MYL2: variants seen among roughly 807,000 people sequenced by gnomAD.
MYL2 encodes the protein myosin regulatory light chain 2, ventricular/cardiac muscle isoform.
Under a neutral mutation model 23.0 loss-of-function variants are expected in MYL2, and 19 were observed. The observed-to-expected ratio is 0.83, with a 90% CI of 0.58 to 1.21. The LOEUF (loss-of-function observed/expected upper bound fraction) is 1.21. MYL2 is among the 50% of genes most tolerant of loss of function. The pLI, the probability that MYL2 is intolerant of heterozygous loss-of-function variation, is 0.00. For missense variants in MYL2, 180 were observed against 215.1 expected, an observed-to-expected ratio of 0.84 and a Z score of 1.02; for synonymous variants, 78 against 76.2, an observed-to-expected ratio of 1.02 and a Z score of -0.13.
At chr12:110,912,860 T>C (rs184707393) in intron 6 of MYL2, among the ~76,000 whole-genome samples, 5 of 152,326 alleles carry the variant, frequency 3.3e-5, no homozygotes, top group Non-Finnish European at 7.3e-5. Context: ...TATTGTTATT[T>C]TAGATGAGTG....
intron 1 of MYL2, 93 bp downstream of exon 1, chr12:110,920,434 G>T: frequency 6.3e-7 from 1 of 1,586,768 alleles, no homozygotes; most frequent in South Asian, 1.1e-5. Context: ...TTTGAGGGCC[G>T]CCTTCCTCCC....
At chr12:110,912,973 AG>A in intron 6 of MYL2, 122 bp downstream of exon 6, 1 of 1,107,574 alleles carries the variant, frequency 9.0e-7, no homozygotes, top group Non-Finnish European at 1.4e-6. Flanking sequence ...AGGCCTCAGA[AG>A]ACGATAGCTG....
rs1171745073 is a variant in MYL2, at chr12:110,915,724, C to T, written c.160G>A (p.Ala54Thr). 1 of 1,614,002 alleles carries T rather than the reference C, an allele frequency of 6.2e-7. No homozygotes were observed. The highest frequency in any genetic ancestry group is 1.3e-5 in the African/African-American group (1 of 74,920). ...IDKNDLRDTFAALGRVNVKNE... is the reference protein window; with the variant it reads ...IDKNDLRDTFTALGRVNVKNE... Reference sequence around the variant, plus strand: ...AGAGAGGGTGACATACCAAGGGCAGCAAAGGTGTCTCTCAGATCGTTCTTG... The same window carrying T: ...AGAGAGGGTGACATACCAAGGGCAGTAAAGGTGTCTCTCAGATCGTTCTTG... Residue 54 changes from alanine (A) to threonine (T), a missense_variant, in exon 3 of 7, where the codon GCT becomes ACT. Physicochemically the swap from Ala to Thr is moderately conservative, Grantham distance 58 (BLOSUM62 0). Transcript: ENST00000228841.
At chr12:110,917,251 C>T (rs973412177) in intron 2 of MYL2, among the ~76,000 whole-genome samples, 1 of 151,994 alleles carries the variant, frequency 6.6e-6, no homozygotes, top group Non-Finnish European at 1.5e-5. Flanking sequence ...ATAGGGCAGG[C>T]TAGGGAGTGG....
At chr12:110,914,406 A>T in intron 3 of MYL2, 116 bp from the exon 4 acceptor site, 4 of 673,472 alleles carry the variant, frequency 5.9e-6, no homozygotes, top group Non-Finnish European at 5.4e-6. Context: ...ATCATCAGAG[A>T]TGGGGTGGAT....
At chr12:110,915,607 T>C in intron 3 of MYL2, 108 bp downstream of exon 3, 1 of 1,166,582 alleles carries the variant, frequency 8.6e-7, no homozygotes, top group South Asian at 1.2e-5. Context: ...GCAGAGTTGT[T>C]TCTTTGGGAA....
At chr12:110,915,595 T>C in intron 3 of MYL2, 120 bp downstream of exon 3, 4 of 1,022,834 alleles carry the variant, frequency 3.9e-6, no homozygotes, top group South Asian at 3.8e-5. Flanking sequence ...AGACCAGTTG[T>C]GGCAGAGTTG....
chr12:110,920,446 C>T (rs926607161), intron 1 of MYL2, 81 bp downstream of exon 1: 2 of 1,607,214 alleles, frequency 1.2e-6, no homozygotes, highest in Non-Finnish European at 1.7e-6. Context: ...CTTCCTCCCC[C>T]TCCGCCGTGG....
chr12:110,911,420 C>T (rs957821029), intron 6 of MYL2, among the ~76,000 whole-genome samples: 1 of 152,194 alleles, frequency 6.6e-6, no homozygotes, highest in South Asian at 2.1e-4. Flanking sequence ...TATAAAGGCA[C>T]GGCCATCTCG....
intron 2 of MYL2, among the ~76,000 whole-genome samples, chr12:110,916,688 T>C (rs1009017475): frequency 2.0e-5 from 3 of 152,168 alleles, no homozygotes; most frequent in Non-Finnish European, 4.4e-5. Context: ...AAGTGACTGC[T>C]AATGGGTATG....
At chr12:110,914,652 G>A (rs1427895612) in intron 3 of MYL2, among the ~76,000 whole-genome samples, 1 of 152,150 alleles carries the variant, frequency 6.6e-6, no homozygotes, top group Non-Finnish European at 1.5e-5. Context: ...CCAAGTAGCT[G>A]GGATTGCAGG....
rs867231722 is a variant in MYL2 at position 110,914,132 on chromosome 12, C to A, written c.274+54G>T. 137 of 1,339,816 alleles carry A rather than the reference C, an allele frequency of 1.0e-4. 3 individuals are homozygous for A. The Middle Eastern group carries it at 0.011, about 109-fold the overall frequency. 83.0% of individuals were successfully genotyped at this position (1,339,816 alleles called of 1,614,324 possible). The stretch of plus-strand genomic sequence containing the variant: ...AGTTAACCATCTTCTGCCAGCCCCC[C>A]CGAAGAAACATAGACACATACACAC... On this transcript the variant is annotated intron_variant, in intron 4 of 6. Coordinates refer to ENST00000228841, the MANE Select transcript of MYL2 (RefSeq NM_000432.4).
intron 6 of MYL2, among the ~76,000 whole-genome samples, chr12:110,912,801 G>A (rs1475465120): frequency 1.3e-5 from 2 of 152,224 alleles, no homozygotes; most frequent in African/African-American, 2.4e-5. Flanking sequence ...CTGGTCTCAA[G>A]TGATCCTCCT....
intron 2 of MYL2, 114 bp from the exon 3 acceptor site, chr12:110,915,904 A>T: frequency 1.2e-6 from 1 of 850,254 alleles, no homozygotes; most frequent in Admixed American, 1.7e-5. Flanking sequence ...AGATCATTGT[A>T]GGACCTCAGA....
Position 110,918,603 on chromosome 12 carries a change from G to T in MYL2, c.93+501C>A, listed in dbSNP as rs1418422565. 6.6e-6 allele frequency among the ~76,000 whole-genome samples: 1 copy of T among 152,006 alleles called. No homozygotes were observed. The highest frequency in any genetic ancestry group is 2.4e-5 in the African/African-American group (1 of 41,370). ...AATAACCAGAGATACAAGCAAAGAGGTGTTATTTATAGTAGTAAAACATTA... is the reference window on the plus strand; with the variant it reads ...AATAACCAGAGATACAAGCAAAGAGTTGTTATTTATAGTAGTAAAACATTA... On this transcript the variant is annotated intron_variant, in intron 2 of 6. Transcript: ENST00000228841. The surrounding 1 kb of genome is among the most constrained non-coding windows in gnomAD (Gnocchi z 4.4).
At position 110,914,159 on chromosome 12, in the gene MYL2, GAC is replaced by G. The variant is rs142567411; in HGVS notation, c.274+25_274+26del. The G allele has an allele frequency of 0.014, 16,802 of 1,182,930 alleles. No individual in the cohort carries two copies. Among genetic ancestry groups the G allele is most frequent in the Non-Finnish European group, 0.017 (14,117 of 855,514 alleles). The allele number at this position is 1,182,930 out of a possible 1,614,324, so 73.3% of individuals were successfully genotyped here. On this transcript the variant is annotated intron_variant, in intron 4 of 6. Coordinates refer to ENST00000228841, the MANE Select transcript of MYL2 (RefSeq NM_000432.4). ...GAAGAAACATAGACACATACACACA[GAC>G]ACACACACACACACACGACCTTACC...
Position 110,915,922 on chromosome 12 carries a change from T to C in MYL2, c.94-132A>G, listed in dbSNP as rs995257836. 1.1e-5 allele frequency: 9 copies of C among 799,248 alleles called. No homozygotes were observed. In the African/African-American group the frequency reaches 1.5e-4, roughly 13 times the overall value. 49.5% of individuals were successfully genotyped at this position (799,248 alleles called of 1,614,324 possible). A position where few individuals can be genotyped will look rare whatever the true frequency, so the allele number is the denominator to read the frequency against. On this transcript the variant is annotated intron_variant, in intron 2 of 6. Coordinates refer to ENST00000228841, the MANE Select transcript of MYL2 (RefSeq NM_000432.4). Reference sequence around the variant, plus strand: ...TCATTGTAGGACCTCAGATTAAAAGTCAACAATTGAAGATAATCCAACAGT... The same window carrying C: ...TCATTGTAGGACCTCAGATTAAAAGCCAACAATTGAAGATAATCCAACAGT...
At chr12:110,915,845 C>G in intron 2 of MYL2, 55 bp from the exon 3 acceptor site, 1 of 1,496,598 alleles carries the variant, frequency 6.7e-7, no homozygotes, top group Non-Finnish European at 9.3e-7. Context: ...CAGAGTTGCC[C>G]AAGAGATTGG....
intron 3 of MYL2, among the ~76,000 whole-genome samples, chr12:110,914,992 C>T (rs1267156488): frequency 2.6e-5 from 4 of 152,210 alleles, no homozygotes; most frequent in Non-Finnish European, 5.9e-5. Flanking sequence ...CCTGCTGTAA[C>T]CCACAGCCGT....
Sources: gnomAD v4.1 joint callset for allele counts (sites outside exome capture counted in the v4.1 genomes callset) on GRCh38, gnomAD v4.1.1 for gene constraint, Gnocchi (gnomAD v3.1) non-coding constraint, MANE v1.5 for transcripts, NCBI Gene and HGNC (gene_info 2026-07-23, HGNC 2026-07-21) for gene names.